The following CSF3R variants were observed in gnomAD, a reference collection of about 807,000 sequenced individuals.
The protein encoded by CSF3R is colony stimulating factor 3 receptor.
A neutral mutation model predicts 84.4 loss-of-function variants in CSF3R; 52 were observed. The observed-to-expected ratio is 0.62, with a 90% CI of 0.49 to 0.78. The LOEUF is 0.78. Among genes scored for constraint, CSF3R ranks in the 30% least tolerant of loss-of-function variants. CSF3R has a pLI of 0.00. For missense variants in CSF3R, 890 were observed against 1,055.7 expected (o/e 0.84, Z 2.17); for synonymous variants, 384 against 429.1 (o/e 0.89, Z 1.30).
At position 36,466,765 on chromosome 1, in the gene CSF3R, C is replaced by T. The variant is rs1650347370; in HGVS notation, c.2103G>A (p.Glu701=). The stretch of plus-strand genomic sequence containing the variant: ...CCCAGGGCACCGGCTTCTTTTCATC[C>T]TCCTCCAGCACTGTGAGCTTGGTGA... ...PPITKLTVLE[E]DEKKPVPWES... The change falls in exon 17 of 17, where the codon GAG becomes GAA. Residue 701 remains glutamate, a synonymous_variant. Coordinates refer to ENST00000373106, the MANE Select transcript of CSF3R (RefSeq NM_000760.4). This position sits in a 1 kb window ranked among gnomAD's most constrained non-coding sequence, Gnocchi z 4.6. 5 of 1,614,094 alleles carry T rather than the reference C, an allele frequency of 3.1e-6. No homozygotes were observed. Among genetic ancestry groups the T allele is most frequent in the African/African-American group, 1.3e-5 (1 of 74,930 alleles).
chr1:36,480,194 G>A (rs3918008), intron 2 of CSF3R: 2,772 of 157,834 alleles, frequency 0.018, 43 homozygotes, highest in South Asian at 0.042. Context: ...GCATGCATGA[G>A]TACTAGGCAG....
intron 2 of CSF3R, among the ~76,000 whole-genome samples, chr1:36,480,446 C>T (rs1437555180): frequency 6.6e-6 from 1 of 152,218 alleles, no homozygotes; most frequent in Non-Finnish European, 1.5e-5. Flanking sequence ...GGCCATAGCA[C>T]CTGGATGGAG....
At chr1:36,468,315 G>T in intron 12 of CSF3R, 94 bp from the exon 13 acceptor site, 3 of 1,362,556 alleles carry the variant, frequency 2.2e-6, no homozygotes, top group Non-Finnish European at 3.0e-6. Context: ...TGTGGGGTGG[G>T]TGAGAAAAGA....
chr1:36,471,401 T>C (rs764519327), intron 10 of CSF3R, 32 bp downstream of exon 10: 1 of 1,596,674 alleles, frequency 6.3e-7, no homozygotes. Flanking sequence ...GCGCTTGACC[T>C]CTGTGCTCTT....
At position 36,482,861 on chromosome 1, in the gene CSF3R, G is replaced by C. The variant is rs55636932; in HGVS notation, c.-131C>G. On this transcript the variant is annotated 5_prime_UTR_variant, in exon 1 of 17. Coordinates refer to ENST00000373106, the MANE Select transcript of CSF3R (RefSeq NM_000760.4). ...CTTGGCCTCCTTGGTCTCTCTTCTC[G>C]TCAAGAGAAGTTCCTGAAACCAGCT... is the stretch of plus-strand genomic sequence containing the variant. 17 of 152,470 alleles carry C rather than the reference G, an allele frequency of 1.1e-4. No homozygotes were observed. Among genetic ancestry groups the C allele is most frequent in the African/African-American group, 4.1e-4 (17 of 41,546 alleles). The allele number at this position is 152,470 out of a possible 1,614,324, so 9.4% of individuals were successfully genotyped here. A position where few individuals can be genotyped will look rare whatever the true frequency, so the allele number is the denominator to read the frequency against.
chr1:36,472,316 T>C lies in CSF3R; in HGVS notation c.919A>G (p.Ile307Val), dbSNP rs574513827. 2 of 1,614,132 alleles carry C rather than the reference T, an allele frequency of 1.2e-6. No homozygotes were observed. Among genetic ancestry groups the C allele is most frequent in the East Asian group, 2.2e-5 (1 of 44,876 alleles). The change falls in exon 8 of 17, where the codon ATA becomes GTA. Residue 307 changes from isoleucine to valine, a missense_variant. Transcript: ENST00000373106. The surrounding 1 kb of genome is among the most constrained non-coding windows in gnomAD (Gnocchi z 5.0). The stretch of plus-strand genomic sequence containing the variant: ...GGCAGGGGCCAGCGGATGCAGCGTA[T>C]CTGCAGGGTGTAGGCCGTGGCTGGG... ...LLPATAYTLQ[I>V]RCIRWPLPGH...
At chr1:36,475,762 G>A in intron 3 of CSF3R, 89 bp from the exon 4 acceptor site, 1 of 1,312,254 alleles carries the variant, frequency 7.6e-7, no homozygotes. Context: ...AGACTCAGAG[G>A]CCTCACCTTC....
rs1476971101 is a variant in CSF3R, at chr1:36,472,789, T to G, written c.674-103A>C. On this transcript the variant is annotated intron_variant, in intron 6 of 16. Transcript: ENST00000373106. The surrounding 1 kb of genome is among the most constrained non-coding windows in gnomAD (Gnocchi z 5.0). ...GTCTGTGGTTCACCATCTGTCCACG[T>G]TGCCAATGACACGTTTCTGTGGTTC... 7.4e-7 allele frequency: 1 copy of G among 1,349,814 alleles called. No individual in the cohort carries two copies. Among genetic ancestry groups the G allele is most frequent in the Non-Finnish European group, 9.9e-7 (1 of 1,011,804 alleles). The allele number at this position is 1,349,814 out of a possible 1,614,324, so 83.6% of individuals were successfully genotyped here. A position where few individuals can be genotyped will look rare whatever the true frequency, so the allele number is the denominator to read the frequency against.
At chr1:36,478,173 A>G (rs1651282686) in intron 3 of CSF3R, among the ~76,000 whole-genome samples, 1 of 152,232 alleles carries the variant, frequency 6.6e-6, no homozygotes, top group South Asian at 2.1e-4. Flanking sequence ...ATAGCCTAAC[A>G]ACTAAAGATG....
In CSF3R at chr1:36,472,254, C is replaced by G. The variant is rs749312807; in HGVS notation, c.981G>C (p.Leu327=). 6.2e-7 allele frequency: 1 copy of G among 1,614,222 alleles called. No individual in the cohort carries two copies. The highest frequency in any genetic ancestry group is 1.1e-5 in the South Asian group (1 of 91,088). Residue 327 remains leucine (L), a synonymous_variant, in exon 8 of 17, where the codon CTG becomes CTC. Transcript: ENST00000373106. This position sits in a 1 kb window ranked among gnomAD's most constrained non-coding sequence, Gnocchi z 5.0. The part of the protein sequence containing the change: ...HWSDWSPSLE[L]RTTERAPTVR... ...CCTCCTTACCCCGTTCGGTAGTTCTCAGCTCCAGGCTGGGGCTCCAGTCGC... is the reference window on the plus strand; with the variant it reads ...CCTCCTTACCCCGTTCGGTAGTTCTGAGCTCCAGGCTGGGGCTCCAGTCGC...
chr1:36,475,023 A>T (rs549914270), intron 4 of CSF3R, among the ~76,000 whole-genome samples: 6 of 147,254 alleles, frequency 4.1e-5, no homozygotes, highest in African/African-American at 1.2e-4. Flanking sequence ...CTTTTTTTTG[A>T]GACCAAGTTT....
At position 36,471,622 on chromosome 1, in the gene CSF3R, C is replaced by G. The variant is rs768170625; in HGVS notation, c.1096G>C (p.Gly366Arg). ...WKPVPLEEDS[G>R]RIQGYVVSWR... ...GAAACCACATAACCTTGGATCCGTC[C>G]GCTGTCTTCCTCCAGGGGCACTGGC... is the stretch of plus-strand genomic sequence containing the variant. The change falls in exon 10 of 17, where the codon GGA becomes CGA. Residue 366 changes from glycine to arginine, a missense_variant. By Grantham distance (125) the Gly-to-Arg change is moderately radical (BLOSUM62 -2). Transcript: ENST00000373106. 1.9e-6 allele frequency: 3 copies of G among 1,614,178 alleles called. No homozygotes were observed. The highest frequency in any genetic ancestry group is 2.5e-6 in the Non-Finnish European group (3 of 1,180,042).
At position 36,467,995 on chromosome 1, in the gene CSF3R, A is replaced by T. The variant is rs1158565892; in HGVS notation, c.1724-33T>A. The T allele has an allele frequency of 6.2e-7, 1 of 1,614,162 alleles. No individual in the cohort carries two copies. The highest frequency in any genetic ancestry group is 8.5e-7 in the Non-Finnish European group (1 of 1,180,018). ...GGGTGTACGGTCAGCATAGGCCTGGATGGTAAAGCTGCCTCCGTGGCAGCT... is the reference window on the plus strand; with the variant it reads ...GGGTGTACGGTCAGCATAGGCCTGGTTGGTAAAGCTGCCTCCGTGGCAGCT... On this transcript the variant is annotated intron_variant, in intron 13 of 16. Coordinates refer to ENST00000373106, the MANE Select transcript of CSF3R (RefSeq NM_000760.4). This position sits in a 1 kb window ranked among gnomAD's most constrained non-coding sequence, Gnocchi z 4.1.
At position 36,475,681 on chromosome 1, in the gene CSF3R, G is replaced by A. The variant is rs1322634596; in HGVS notation, c.65-8C>T. The A allele has an allele frequency of 2.5e-6, 4 of 1,604,240 alleles. No homozygotes were observed. Among genetic ancestry groups the A allele is most frequent in the Admixed American group, 1.7e-5 (1 of 59,740 alleles). ...GCCCGCACTCCTCCAGACCTGGGGT[G>A]GAAGAGAATGGGCCAGGAACGACGC... On this transcript the variant is annotated splice_polypyrimidine_tract_variant and splice_region_variant and intron_variant, in intron 3 of 16. Transcript: ENST00000373106.
chr1:36,469,360 A>G, intron 11 of CSF3R, 103 bp from the exon 12 acceptor site: 1 of 921,462 alleles, frequency 1.1e-6, no homozygotes, highest in Non-Finnish European at 1.8e-6. Flanking sequence ...TGGCCTCATG[A>G]TTCAGGGTTA....
chr1:36,473,892 A>ATGTGGGTGGGAAGAGTGTGAGGGC lies in CSF3R; in HGVS notation c.362-29_362-6dup. The ATGTGGGTGGGAAGAGTGTGAGGGC allele has an allele frequency of 1.2e-6, 2 of 1,613,930 alleles. No individual in the cohort carries two copies. The highest frequency in any genetic ancestry group is 1.7e-6 in the Non-Finnish European group (2 of 1,179,930). On this transcript the variant is annotated splice_polypyrimidine_tract_variant and splice_region_variant and intron_variant, in intron 4 of 16. Coordinates refer to ENST00000373106, the MANE Select transcript of CSF3R (RefSeq NM_000760.4). Reference sequence around the variant, plus strand: ...TGTGGGGTATGGCTGGAGGGTCTGCATGTGGGTGGGAAGAGTGTGAGGGCT... The same window carrying ATGTGGGTGGGAAGAGTGTGAGGGC: ...TGTGGGGTATGGCTGGAGGGTCTGCATGTGGGTGGGAAGAGTGTGAGGGCTGTGGGTGGGAAGAGTGTGAGGGCT...
In CSF3R at chr1:36,469,769, T is replaced by TG. The variant is rs1420858282; in HGVS notation, c.1356dup (p.Asn453GlnfsTer10). 6.2e-7 allele frequency: 1 copy of TG among 1,613,862 alleles called. No individual in the cohort carries two copies. The highest frequency in any genetic ancestry group is 1.3e-5 in the African/African-American group (1 of 74,866). On this transcript the variant is annotated frameshift_variant, in exon 11 of 17. Transcript: ENST00000373106. LOFTEE classifies it high-confidence loss of function. ...ATCACATAGCCCTGAGGCCATGGAT[T>TG]GGGGGGCTCCCAGCCTACCCAGAGG...
intron 5 of CSF3R, 42 bp from the exon 6 acceptor site, chr1:36,473,664 G>A: frequency 1.2e-6 from 2 of 1,613,916 alleles, no homozygotes; most frequent in Non-Finnish European, 1.7e-6. Context: ...GAGGAAGAAA[G>A]CGAGGCTCCC....
chr1:36,470,897 C>T (rs546143257), intron 10 of CSF3R, among the ~76,000 whole-genome samples: 4 of 152,146 alleles, frequency 2.6e-5, no homozygotes, highest in Non-Finnish European at 5.9e-5. Context: ...TACTTTGTGC[C>T]AGGCACTTGT....
Sources: allele counts gnomAD v4.1 joint callset (sites outside exome capture counted in the v4.1 genomes callset), GRCh38; gene constraint gnomAD v4.1.1; non-coding constraint Gnocchi (gnomAD v3.1); transcripts MANE v1.5; gene names NCBI Gene and HGNC (gene_info 2026-07-23, HGNC 2026-07-21).